CMTM8: variants seen among roughly 807,000 people sequenced by gnomAD.
CMTM8 encodes the protein CKLF like MARVEL transmembrane domain containing 8, also known as CKLF-like MARVEL transmembrane domain-containing protein 8.
In CMTM8, 12 loss-of-function variants were observed where a neutral mutation model predicts 18.6. That is an observed-to-expected ratio of 0.65 (90% CI 0.41 to 1.05). The LOEUF (loss-of-function observed/expected upper bound fraction) is 1.05. CMTM8 is among the 50% of genes least tolerant of loss of function. The pLI is 0.00. For missense variants in CMTM8, 217 were observed against 227.2 expected, an observed-to-expected ratio of 0.95 and a Z score of 0.29; for synonymous variants, 87 against 90.6, an observed-to-expected ratio of 0.96 and a Z score of 0.23.
intron 1 of CMTM8, among the ~76,000 whole-genome samples, chr3:32,344,112 G>C (rs534754324): frequency 1.5e-4 from 23 of 152,310 alleles, no homozygotes; most frequent in Non-Finnish European, 2.8e-4. Flanking sequence ...CTTCTGGCAG[G>C]CCACATAATA....
intron 1 of CMTM8, among the ~76,000 whole-genome samples, chr3:32,355,593 C>G (rs10084720): frequency 0.035 from 5,338 of 152,242 alleles, 100 homozygotes; most frequent in East Asian, 0.11. Context: ...CCTTTCCCCT[C>G]CACATGTCCA....
chr3:32,316,976 A>G (rs898155878), intron 1 of CMTM8, among the ~76,000 whole-genome samples: 5 of 152,248 alleles, frequency 3.3e-5, no homozygotes, highest in African/African-American at 1.2e-4. Context: ...CCCTAGACTT[A>G]CATATTACTC....
intron 1 of CMTM8, chr3:32,258,940 G>A (rs1001749109): frequency 1.8e-5 from 6 of 325,372 alleles, no homozygotes; most frequent in African/African-American, 6.6e-5. Flanking sequence ...CCCGGACAGC[G>A]TGAGCTTCAC....
intron 1 of CMTM8, among the ~76,000 whole-genome samples, chr3:32,326,495 G>A (rs1376442526): frequency 6.6e-6 from 1 of 150,882 alleles, no homozygotes; most frequent in Non-Finnish European, 1.5e-5. Context: ...TTACACTGAG[G>A]TCCTGACTTT....
intron 1 of CMTM8, among the ~76,000 whole-genome samples, chr3:32,250,624 G>A (rs1702100181): frequency 1.3e-5 from 2 of 151,954 alleles, no homozygotes; most frequent in South Asian, 2.1e-4. Context: ...TTATTTCTAA[G>A]TATTTTATTC....
intron 1 of CMTM8, chr3:32,259,465 G>A: frequency 1.3e-6 from 1 of 785,296 alleles, no homozygotes; most frequent in Non-Finnish European, 2.3e-6. Context: ...CCATGTGCCA[G>A]TCTTTGGAGA....
At chr3:32,341,176 C>T (rs1696484117) in intron 1 of CMTM8, among the ~76,000 whole-genome samples, 1 of 152,212 alleles carries the variant, frequency 6.6e-6, no homozygotes. Flanking sequence ...GATGGCACTA[C>T]CTAGTGGCCC....
At chr3:32,359,179 T>TA (rs1356426160) in intron 2 of CMTM8, among the ~76,000 whole-genome samples, 6 of 152,220 alleles carry the variant, frequency 3.9e-5, no homozygotes, top group African/African-American at 1.2e-4. Context: ...GACCAGATAG[T>TA]AAGTACTGTA....
rs539566910 is a variant in CMTM8 at position 32,262,810 on chromosome 3, T to C, written c.147+23691T>C. 4.6e-5 allele frequency among the ~76,000 whole-genome samples: 7 copies of C among 152,304 alleles called. No individual in the cohort carries two copies. In the East Asian group the frequency reaches 1.3e-3, roughly 29 times the overall value. ...AATCAGCCGGTCCAAATATTGTACA[T>C]TAATTCCCCCTGGACTGGGCTGTAT... On this transcript the variant is annotated intron_variant, in intron 1 of 3. Coordinates refer to ENST00000307526, the MANE Select transcript of CMTM8 (RefSeq NM_178868.5).
At chr3:32,249,064 G>A (rs1215383144) in intron 1 of CMTM8, among the ~76,000 whole-genome samples, 2 of 79,290 alleles carry the variant, frequency 2.5e-5, no homozygotes, top group Admixed American at 1.8e-4. Context: ...TTTTTGATAC[G>A]GAGTCTCACG....
At position 32,316,904 on chromosome 3, in the gene CMTM8, G is replaced by C. The variant is rs77926377; in HGVS notation, c.148-40469G>C. On this transcript the variant is annotated intron_variant, in intron 1 of 3. Transcript: ENST00000307526. Reference sequence around the variant, plus strand: ...TGGTAGATATCTTCCTATGATAGGAGGTTGTTTTTGCATATAATTTACTCC... The same window carrying C: ...TGGTAGATATCTTCCTATGATAGGACGTTGTTTTTGCATATAATTTACTCC... Among the ~76,000 whole-genome samples the C allele has an allele frequency of 2.9e-3, 447 of 152,312 alleles. 15 individuals carry two copies. In the East Asian group the frequency reaches 0.069, roughly 24 times the overall value.
At chr3:32,256,233 ATT>A (rs34175762) in intron 1 of CMTM8, among the ~76,000 whole-genome samples, 3 of 151,626 alleles carry the variant, frequency 2.0e-5, no homozygotes, top group Non-Finnish European at 1.5e-5. Flanking sequence ...AGCCTGGATA[ATT>A]TTTTTTTATT....
At chr3:32,276,983 C>T (rs1702531088) in intron 1 of CMTM8, among the ~76,000 whole-genome samples, 1 of 152,020 alleles carries the variant, frequency 6.6e-6, no homozygotes, top group South Asian at 2.1e-4. Context: ...GAACTTGGCT[C>T]AAGGAATCCT....
At chr3:32,353,118 C>T (rs1416305514) in intron 1 of CMTM8, among the ~76,000 whole-genome samples, 1 of 152,162 alleles carries the variant, frequency 6.6e-6, no homozygotes, top group African/African-American at 2.4e-5. Flanking sequence ...CTCAGCCTCC[C>T]TAGTAGCTGG....
chr3:32,314,933 G>A (rs527506336), intron 1 of CMTM8, among the ~76,000 whole-genome samples: 62 of 148,410 alleles, frequency 4.2e-4, no homozygotes, highest in South Asian at 1.7e-3. Context: ...TTTTTTTTGC[G>A]TTCTAGTGAA....
intron 1 of CMTM8, among the ~76,000 whole-genome samples, chr3:32,299,862 T>C (rs1321991026): frequency 1.3e-5 from 2 of 152,190 alleles, no homozygotes; most frequent in African/African-American, 4.8e-5. Context: ...TTGGGCTTTG[T>C]AGGCCAAAAT....
intron 1 of CMTM8, among the ~76,000 whole-genome samples, chr3:32,346,982 G>GGCTT (rs202099037): frequency 6.6e-6 from 1 of 151,624 alleles, no homozygotes; most frequent in African/African-American, 2.4e-5. Context: ...CACCATGCCT[G>GGCTT]GCTTGCTTGC....
At chr3:32,312,256 C>A (rs1695833739) in intron 1 of CMTM8, among the ~76,000 whole-genome samples, 1 of 152,038 alleles carries the variant, frequency 6.6e-6, no homozygotes, top group African/African-American at 2.4e-5. Flanking sequence ...CAATGCCTCC[C>A]TAGGCTTGAT....
intron 1 of CMTM8, among the ~76,000 whole-genome samples, chr3:32,265,560 A>G (rs1242769150): frequency 6.6e-6 from 1 of 152,140 alleles, no homozygotes; most frequent in Non-Finnish European, 1.5e-5. Context: ...AAGCAAGAGC[A>G]AACACATTCA....
Sources: gnomAD v4.1 joint callset for allele counts (sites outside exome capture counted in the v4.1 genomes callset) on GRCh38, gnomAD v4.1.1 for gene constraint, MANE v1.5 for transcripts, NCBI Gene and HGNC (gene_info 2026-07-23, HGNC 2026-07-21) for gene names.